The following LRRC46 variants were observed in gnomAD, a reference collection of about 807,000 sequenced individuals.
LRRC46 encodes the protein leucine rich repeat containing 46.
In LRRC46, 20 loss-of-function variants were observed where a neutral mutation model predicts 28.0. The observed-to-expected ratio is 0.71, with a 90% CI of 0.50 to 1.04. The LOEUF (loss-of-function observed/expected upper bound fraction) is 1.04, where lower values mean the gene tolerates loss of function less well. LRRC46 is among the 50% of genes least tolerant of loss of function. LRRC46 has a pLI of 0.00. For synonymous variants in LRRC46, 156 were observed against 158.8 expected (o/e 0.98, Z 0.13); for missense variants, 315 against 390.1 (o/e 0.81, Z 1.62).
At chr17:47,834,111 G>C (rs2033666820) in intron 2 of LRRC46, 1 of 1,045,872 alleles carries the variant, frequency 9.6e-7, no homozygotes, top group African/African-American at 1.7e-5. Context: ...CATCCAAGCT[G>C]GCCAGAGGAA....
At chr17:47,835,943 G>C in intron 5 of LRRC46, 90 bp from the exon 6 acceptor site, 2 of 1,442,892 alleles carry the variant, frequency 1.4e-6, no homozygotes, top group Non-Finnish European at 1.9e-6. Flanking sequence ...GGACTAGAAA[G>C]TGGGTATGAG....
chr17:47,836,594 T>A lies in LRRC46; in HGVS notation c.595+119T>A. The A allele has an allele frequency of 6.7e-7, 1 of 1,499,364 alleles. No homozygotes were observed. Among genetic ancestry groups the A allele is most frequent in the South Asian group, 1.3e-5 (1 of 76,996 alleles). The allele number at this position is 1,499,364 out of a possible 1,614,324, so 92.9% of individuals were successfully genotyped here. The stretch of plus-strand genomic sequence containing the variant: ...GGGGAGCCCCAAGTTCAGATCAACA[T>A]CTGGGCCAGAGCCAGGTGTCAGTCC... On this transcript the variant is annotated intron_variant, in intron 7 of 7. Transcript: ENST00000269025. This position sits in a 1 kb window ranked among gnomAD's most constrained non-coding sequence, Gnocchi z 5.8.
At chr17:47,834,863 C>G in intron 3 of LRRC46, 1 of 241,398 alleles carries the variant, frequency 4.1e-6, no homozygotes, top group South Asian at 7.7e-5. Context: ...TATGAAGATT[C>G]CTGTACATCA....
rs559333952 is a variant in LRRC46, at chr17:47,837,613, C to T, written c.*493C>T. 6.3e-5 allele frequency: 35 copies of T among 558,988 alleles called. No individual in the cohort carries two copies. The highest frequency in any genetic ancestry group is 9.4e-5 in the Non-Finnish European group (31 of 328,298). The allele number at this position is 558,988 out of a possible 1,614,324, so 34.6% of individuals were successfully genotyped here. A position where few individuals can be genotyped will look rare whatever the true frequency, so the allele number is the denominator to read the frequency against. ...GGAATGAGTACACAACCACAGGCCCCGCAGCCAGCCCACAGCTGCCTTTGG... is the reference window on the plus strand; with the variant it reads ...GGAATGAGTACACAACCACAGGCCCTGCAGCCAGCCCACAGCTGCCTTTGG... On this transcript the variant is annotated 3_prime_UTR_variant, in exon 8 of 8. Coordinates refer to ENST00000269025, the MANE Select transcript of LRRC46 (RefSeq NM_033413.4).
In LRRC46 at chr17:47,837,162, C is replaced by T. The variant is rs367859456; in HGVS notation, c.*42C>T. The stretch of plus-strand genomic sequence containing the variant: ...CTCTACTAGTGGAGAGGAGTGGGGC[C>T]TGCCCCTCTTCTCAGACCTCTGACC... On this transcript the variant is annotated 3_prime_UTR_variant, in exon 8 of 8. Transcript: ENST00000269025. 5.0e-5 allele frequency: 79 copies of T among 1,583,190 alleles called. No individual in the cohort carries two copies. Among genetic ancestry groups the T allele is most frequent in the Non-Finnish European group, 6.6e-5 (77 of 1,172,610 alleles).
rs369363985 is a variant in LRRC46, at chr17:47,836,740, C to T, written c.596-10C>T. 1.6e-4 allele frequency: 265 copies of T among 1,612,642 alleles called. No individual in the cohort carries two copies. The highest frequency in any genetic ancestry group is 1.7e-4 in the Non-Finnish European group (206 of 1,179,568). ...CCCACCCTGTACCCTCCACCCCCGG[C>T]CCCTCCCAGGCTTCCTCAAGGAGCT... On this transcript the variant is annotated splice_polypyrimidine_tract_variant and intron_variant, in intron 7 of 7. Coordinates refer to ENST00000269025, the MANE Select transcript of LRRC46 (RefSeq NM_033413.4). The surrounding 1 kb of genome is among the most constrained non-coding windows in gnomAD (Gnocchi z 5.8).
intron 3 of LRRC46, chr17:47,834,841 A>G (rs2033675996): frequency 4.1e-6 from 1 of 246,714 alleles, no homozygotes; most frequent in Non-Finnish European, 7.8e-6. Flanking sequence ...CCTGTTTTGA[A>G]GAAGAGGAAA....
At position 47,832,175 on chromosome 17, in the gene LRRC46, T is replaced by A; in HGVS notation, c.86T>A (p.Phe29Tyr). 1 of 1,599,434 alleles carries A rather than the reference T, an allele frequency of 6.3e-7. No individual in the cohort carries two copies. The highest frequency in any genetic ancestry group is 8.5e-7 in the Non-Finnish European group (1 of 1,171,254). ...CTTATCACTAAGCGGAACTTGACTT[T>A]CCCTGAAGATGGGGAACTGTCAGAG... ...EALITKRNLT[F>Y]PEDGELSEKM... is the part of the protein sequence containing the mutation. Residue 29 changes from phenylalanine to tyrosine, a missense_variant, in exon 2 of 8, where the codon TTC (phenylalanine) becomes TAC (tyrosine). Phe to Tyr is a conservative substitution (Grantham distance 22). Transcript: ENST00000269025.
At chr17:47,835,144 C>T in intron 3 of LRRC46, 1 of 617,274 alleles carries the variant, frequency 1.6e-6, no homozygotes, top group East Asian at 2.7e-5. Flanking sequence ...GTTTAGATAC[C>T]CCAGGTTTAC....
At chr17:47,835,621 T>C in intron 4 of LRRC46, 45 bp from the exon 5 acceptor site, 1 of 1,573,880 alleles carries the variant, frequency 6.4e-7, no homozygotes, top group Non-Finnish European at 8.7e-7. Flanking sequence ...CTTCCAGCTG[T>C]TCCATGATTC....
intron 1 of LRRC46, 22 bp downstream of exon 1, chr17:47,832,021 TG>T (rs774372150): frequency 1.2e-6 from 2 of 1,613,402 alleles, no homozygotes; most frequent in South Asian, 2.2e-5. Context: ...GGTGGGACGG[TG>T]GGTAGAGCAG....
rs764223273 is a variant in LRRC46 at position 47,832,213 on chromosome 17, C to T, written c.116+8C>T. ...GGAACTGTCAGAGAAGATGTGAGTG[C>T]ATGGGGGAGAAAAGGGGTGCTAGAA... On this transcript the variant is annotated splice_region_variant and intron_variant, in intron 2 of 7. Transcript: ENST00000269025. The T allele has an allele frequency of 3.8e-6, 6 of 1,562,904 alleles. No homozygotes were observed. The Admixed American group carries it at 9.3e-5, about 24-fold the overall frequency.
At chr17:47,832,036 G>T in intron 1 of LRRC46, 37 bp downstream of exon 1, 1 of 1,613,962 alleles carries the variant, frequency 6.2e-7, no homozygotes, top group South Asian at 1.1e-5. Context: ...AGAGCAGTTG[G>T]AAAACAGCGG....
chr17:47,834,119 G>T, intron 2 of LRRC46: 3 of 1,053,572 alleles, frequency 2.8e-6, no homozygotes, highest in Non-Finnish European at 3.4e-6. Context: ...CTGGCCAGAG[G>T]AAGGTTTCTC....
chr17:47,835,109 G>A (rs2033678387), intron 3 of LRRC46: 2 of 515,170 alleles, frequency 3.9e-6, no homozygotes, highest in African/African-American at 1.9e-5. Context: ...TTTGGTTGTG[G>A]AATCAGAAGA....
chr17:47,835,593 C>A, intron 4 of LRRC46, 73 bp from the exon 5 acceptor site: 1 of 1,509,432 alleles, frequency 6.6e-7, no homozygotes, highest in Non-Finnish European at 9.2e-7. Flanking sequence ...GCCCCGGTGT[C>A]AGGTGCCCTC....
At position 47,835,718 on chromosome 17, in the gene LRRC46, C is replaced by T; in HGVS notation, c.325C>T (p.Leu109Phe). 6.2e-7 allele frequency: 1 copy of T among 1,614,228 alleles called. No homozygotes were observed. The highest frequency in any genetic ancestry group is 8.5e-7 in the Non-Finnish European group (1 of 1,180,046). Residue 109 changes from leucine to phenylalanine, a missense_variant, in exon 5 of 8, where the codon CTC becomes TTC. Coordinates refer to ENST00000269025, the MANE Select transcript of LRRC46 (RefSeq NM_033413.4). ...QIRQVENLLD[L>F]PCLQFLDLSE... is the part of the protein sequence containing the mutation. ...CAGGCAGGTGGAAAACCTCCTCGAC[C>T]TCCCATGCCTCCAGTTTCTGGACCT... is the stretch of plus-strand genomic sequence containing the variant.
In LRRC46 at chr17:47,832,090, C is replaced by T; in HGVS notation, c.11-10C>T. ...GAGGAAGTGTCACAGTTGGACTCAT[C>T]TTTTCACAGGGAAGTCAGCCCAGGG... On this transcript the variant is annotated splice_polypyrimidine_tract_variant and intron_variant, in intron 1 of 7. Coordinates refer to ENST00000269025, the MANE Select transcript of LRRC46 (RefSeq NM_033413.4). 1 of 1,612,196 alleles carries T rather than the reference C, an allele frequency of 6.2e-7. No individual in the cohort carries two copies.
Position 47,836,160 on chromosome 17 carries a change from C to G in LRRC46, c.452+58C>G. ...GCTGAGCTCTACCTGCTAACTCAGCCCAGACCCCTCTCAGCCTGCAAACCT... is the reference window on the plus strand; with the variant it reads ...GCTGAGCTCTACCTGCTAACTCAGCGCAGACCCCTCTCAGCCTGCAAACCT... On this transcript the variant is annotated intron_variant, in intron 6 of 7. Transcript: ENST00000269025. This position sits in a 1 kb window ranked among gnomAD's most constrained non-coding sequence, Gnocchi z 5.8. 1.9e-6 allele frequency: 3 copies of G among 1,598,936 alleles called. No individual in the cohort carries two copies. The South Asian group carries it at 3.3e-5, about 18-fold the overall frequency.
Sources: allele counts gnomAD v4.1 joint callset, GRCh38; gene constraint gnomAD v4.1.1; non-coding constraint Gnocchi (gnomAD v3.1); transcripts MANE v1.5; gene names NCBI Gene and HGNC (gene_info 2026-07-23, HGNC 2026-07-21).